GRM7: variants seen among roughly 807,000 people sequenced by gnomAD.
The protein encoded by GRM7 is glutamate metabotropic receptor 7.
Under a neutral mutation model 84.5 loss-of-function variants are expected in GRM7, and 35 were observed. The observed-to-expected ratio is 0.41, with a 90% CI of 0.32 to 0.55. The LOEUF is 0.55. Ranked by LOEUF, GRM7 falls within the 20% of genes least tolerant of loss-of-function variation. The probability of loss-of-function intolerance (pLI) is 0.19; values close to 1 mark genes in which losing one functional copy is unlikely to be tolerated. For missense variants in GRM7, 1,003 were observed against 1,194.6 expected (o/e 0.84, Z 2.36); for synonymous variants, 487 against 455.1 (o/e 1.07, Z -0.89).
At chr3:7,191,276 C>G (rs755201750) in intron 2 of GRM7, among the ~76,000 whole-genome samples, 3 of 151,834 alleles carry the variant, frequency 2.0e-5, no homozygotes, top group Non-Finnish European at 4.4e-5. Flanking sequence ...ATGTTGAAAC[C>G]CATTATGCAT....
At chr3:6,993,084 G>A (rs915900360) in intron 1 of GRM7, among the ~76,000 whole-genome samples, 2 of 152,202 alleles carry the variant, frequency 1.3e-5, no homozygotes, top group African/African-American at 2.4e-5. Flanking sequence ...TGGCAGAAGC[G>A]AAAGCAAACA....
At chr3:7,133,244 TTTC>T (rs2125055308) in intron 1 of GRM7, among the ~76,000 whole-genome samples, 1 of 152,288 alleles carries the variant, frequency 6.6e-6, no homozygotes, top group Non-Finnish European at 1.5e-5. Context: ...AAAATAGCTT[TTTC>T]TTTTATTTTC....
Position 7,731,844 on chromosome 3 carries a change from G to T in GRM7, c.2699-8513G>T, listed in dbSNP as rs141078387. The stretch of plus-strand genomic sequence containing the variant: ...GCCCCCACTCTTGTGGCCCCACCCA[G>T]AAGCAATTTAGTCCTCAGGAAGACA... On this transcript the variant is annotated intron_variant, in intron 9 of 9. Coordinates refer to ENST00000357716, the MANE Select transcript of GRM7 (RefSeq NM_000844.4). Among the ~76,000 whole-genome samples the T allele has an allele frequency of 7.3e-3, 1,113 of 152,180 alleles. 15 individuals carry two copies. The highest frequency in any genetic ancestry group is 0.026 in the African/African-American group (1,069 of 41,532).
intron 9 of GRM7, among the ~76,000 whole-genome samples, chr3:7,699,638 T>A (rs1213861591): frequency 6.6e-6 from 1 of 152,170 alleles, no homozygotes; most frequent in Non-Finnish European, 1.5e-5. Flanking sequence ...CTGCTACTTA[T>A]TTTGGCTCCT....
intron 1 of GRM7, among the ~76,000 whole-genome samples, chr3:7,046,785 A>G (rs1357632067): frequency 6.6e-6 from 1 of 152,092 alleles, no homozygotes; most frequent in East Asian, 1.9e-4. Flanking sequence ...CAGTTTCTGG[A>G]AAAGAGAATG....
At chr3:7,259,845 T>C (rs1385820427) in intron 2 of GRM7, among the ~76,000 whole-genome samples, 1 of 152,102 alleles carries the variant, frequency 6.6e-6, no homozygotes, top group Non-Finnish European at 1.5e-5. Context: ...GTTCTGTTTT[T>C]AGCTCTTGGA....
intron 9 of GRM7, among the ~76,000 whole-genome samples, chr3:7,736,370 T>C (rs1013876284): frequency 3.9e-5 from 6 of 152,212 alleles, no homozygotes; most frequent in Non-Finnish European, 8.8e-5. Flanking sequence ...CAGCATTGCT[T>C]ATTTCAAAAA....
intron 1 of GRM7, among the ~76,000 whole-genome samples, chr3:6,996,193 C>T (rs139072300): frequency 0.042 from 6,395 of 152,096 alleles, 199 homozygotes; most frequent in Non-Finnish European, 0.066. Flanking sequence ...GGACTACAGG[C>T]GCCCGCCACC....
At chr3:7,061,162 T>C (rs1167763964) in intron 1 of GRM7, among the ~76,000 whole-genome samples, 1 of 151,814 alleles carries the variant, frequency 6.6e-6, no homozygotes, top group Non-Finnish European at 1.5e-5. Flanking sequence ...AAGATAAATC[T>C]CCATAAGGCT....
At chr3:7,348,944 C>T (rs941476281) in intron 4 of GRM7, among the ~76,000 whole-genome samples, 25 of 152,246 alleles carry the variant, frequency 1.6e-4, no homozygotes, top group Non-Finnish European at 2.2e-4. Flanking sequence ...GGATGTACAT[C>T]ATTTTCATTC....
rs538959625 is a variant in GRM7, at chr3:7,003,450, C to T, written c.519+141543C>T. Among the ~76,000 whole-genome samples, 4 of 151,828 alleles carry T rather than the reference C, an allele frequency of 2.6e-5. No homozygotes were observed. In the East Asian group the frequency reaches 7.8e-4, roughly 29 times the overall value. On this transcript the variant is annotated intron_variant, in intron 1 of 9. Transcript: ENST00000357716. ...TTTAATGCTCTATAAGGAGCGCATGCAATTGATTATCACAGCATAATGATT... is the reference window on the plus strand; with the variant it reads ...TTTAATGCTCTATAAGGAGCGCATGTAATTGATTATCACAGCATAATGATT...
At chr3:7,170,029 T>C (rs1694931608) in intron 2 of GRM7, among the ~76,000 whole-genome samples, 1 of 152,198 alleles carries the variant, frequency 6.6e-6, no homozygotes, top group Non-Finnish European at 1.5e-5. Flanking sequence ...TTCAGTTAGT[T>C]TGAGGCAGAG....
intron 1 of GRM7, among the ~76,000 whole-genome samples, chr3:7,074,828 C>G (rs1363766687): frequency 6.6e-6 from 1 of 152,120 alleles, no homozygotes; most frequent in Non-Finnish European, 1.5e-5. Context: ...GGATGGCTTC[C>G]AAGTTTAAAT....
At chr3:7,279,195 C>T (rs971307527) in intron 2 of GRM7, among the ~76,000 whole-genome samples, 1 of 152,102 alleles carries the variant, frequency 6.6e-6, no homozygotes, top group Non-Finnish European at 1.5e-5. Context: ...AAATCTTATT[C>T]TCTAAAAGCC....
intron 1 of GRM7, among the ~76,000 whole-genome samples, chr3:7,122,586 G>A (rs961770491): frequency 2.6e-5 from 4 of 152,006 alleles, no homozygotes; most frequent in Non-Finnish European, 4.4e-5. Flanking sequence ...ACTTTCTTTT[G>A]CAAAAAATGG....
intron 1 of GRM7, among the ~76,000 whole-genome samples, chr3:6,929,762 A>T (rs1697434516): frequency 6.6e-6 from 1 of 152,182 alleles, no homozygotes; most frequent in Non-Finnish European, 1.5e-5. Context: ...AAAATTGATT[A>T]CAATCCTAAG....
intron 4 of GRM7, among the ~76,000 whole-genome samples, chr3:7,382,684 ATAAAG>A (rs1437579946): frequency 1.3e-5 from 2 of 152,266 alleles, no homozygotes; most frequent in African/African-American, 4.8e-5. Flanking sequence ...AAGGAAAAAA[ATAAAG>A]TAGTCTGATA....
At chr3:7,478,613 A>G (rs1156274834) in intron 7 of GRM7, among the ~76,000 whole-genome samples, 1 of 152,188 alleles carries the variant, frequency 6.6e-6, no homozygotes, top group African/African-American at 2.4e-5. Context: ...AGGGTCCTGA[A>G]GCCTCCTGTC....
intron 8 of GRM7, among the ~76,000 whole-genome samples, chr3:7,608,606 G>A (rs533747540): frequency 6.6e-6 from 1 of 152,092 alleles, no homozygotes; most frequent in East Asian, 1.9e-4. Flanking sequence ...TGTAGGAGCT[G>A]GATATTAGAC....
Sources: gnomAD v4.1 joint callset for allele counts (sites outside exome capture counted in the v4.1 genomes callset) on GRCh38, gnomAD v4.1.1 for gene constraint, MANE v1.5 for transcripts, NCBI Gene and HGNC (gene_info 2026-07-23, HGNC 2026-07-21) for gene names.